Variants in EMP2 observed in about 807,000 individuals in gnomAD.
EMP2 encodes epithelial membrane protein 2.
A neutral mutation model predicts 13.7 loss-of-function variants in EMP2; 19 were observed. The observed-to-expected ratio is 1.38, with a 90% CI of 0.97 to 2.03. The LOEUF is 2.03. Among genes scored for constraint, EMP2 ranks in the 30% most tolerant of loss-of-function variants. EMP2 has a pLI of 0.00. For missense variants in EMP2, 253 were observed against 220.7 expected (o/e 1.15, Z -0.93); for synonymous variants, 97 against 84.7 (o/e 1.15, Z -0.80).
At chr16:10,576,998 G>A (rs942357666) in intron 1 of EMP2, among the ~76,000 whole-genome samples, 5 of 152,188 alleles carry the variant, frequency 3.3e-5, no homozygotes, top group African/African-American at 1.2e-4. Flanking sequence ...ACGGGAGCAC[G>A]GAAATCCAGC....
At chr16:10,534,040 A>G (rs2050628918) in intron 4 of EMP2, among the ~76,000 whole-genome samples, 1 of 151,734 alleles carries the variant, frequency 6.6e-6, no homozygotes, top group African/African-American at 2.4e-5. Context: ...GCTTTAACTC[A>G]CGAGGCAGAG....
intron 1 of EMP2, among the ~76,000 whole-genome samples, chr16:10,563,804 C>G (rs1477312827): frequency 2.6e-5 from 4 of 152,180 alleles, no homozygotes. Flanking sequence ...ATTGGTATCC[C>G]TACCCCTTGG....
chr16:10,564,576 G>T (rs951425182), intron 1 of EMP2, among the ~76,000 whole-genome samples: 9 of 150,944 alleles, frequency 6.0e-5, no homozygotes, highest in Admixed American at 4.6e-4. Flanking sequence ...CTACCTCCCA[G>T]TCCCACCTCC....
chr16:10,537,266 T>G, intron 4 of EMP2, among the ~76,000 whole-genome samples: 1 of 152,168 alleles, frequency 6.6e-6, no homozygotes. Flanking sequence ...TTGCTAAAAT[T>G]CCTAAGTAGA....
chr16:10,551,746 A>T (rs982438944), intron 1 of EMP2, among the ~76,000 whole-genome samples: 4 of 152,042 alleles, frequency 2.6e-5, no homozygotes, highest in Non-Finnish European at 4.4e-5. Flanking sequence ...TCTGGTACCA[A>T]CTATTCCCCC....
intron 1 of EMP2, among the ~76,000 whole-genome samples, chr16:10,566,342 C>G (rs918335667): frequency 2.0e-5 from 3 of 152,138 alleles, no homozygotes; most frequent in African/African-American, 2.4e-5. Context: ...ACAAATACCC[C>G]CTGCCCCTAA....
chr16:10,569,261 C>T (rs900456415), intron 1 of EMP2, among the ~76,000 whole-genome samples: 4 of 152,208 alleles, frequency 2.6e-5, no homozygotes, highest in African/African-American at 9.7e-5. Flanking sequence ...ACCACCTGTT[C>T]TACTCACTAT....
intron 1 of EMP2, among the ~76,000 whole-genome samples, chr16:10,551,564 G>A (rs182027910): frequency 6.0e-4 from 91 of 152,162 alleles, no homozygotes; most frequent in African/African-American, 2.0e-3. Context: ...GTGCTACTAC[G>A]CCTGGCTAAT....
At chr16:10,553,795 C>T (rs1353139685) in intron 1 of EMP2, among the ~76,000 whole-genome samples, 5 of 152,234 alleles carry the variant, frequency 3.3e-5, no homozygotes, top group Admixed American at 1.3e-4. Context: ...GGACTTTCTG[C>T]GGCTCCATAC....
At chr16:10,561,272 A>C (rs1288336442) in intron 1 of EMP2, among the ~76,000 whole-genome samples, 1 of 152,178 alleles carries the variant, frequency 6.6e-6, no homozygotes, top group Non-Finnish European at 1.5e-5. Context: ...TGGTTTTAGA[A>C]ATTGGTGACA....
chr16:10,536,693 C>T (rs1420745320), intron 4 of EMP2, among the ~76,000 whole-genome samples: 1 of 152,236 alleles, frequency 6.6e-6, no homozygotes, highest in African/African-American at 2.4e-5. Flanking sequence ...CACCCCACAG[C>T]TCACTGCAGC....
At position 10,566,030 on chromosome 16, in the gene EMP2, C is replaced by A. The variant is rs567984674; in HGVS notation, c.-61+14519G>T. Among the ~76,000 whole-genome samples the A allele has an allele frequency of 3.4e-3, 522 of 152,290 alleles. 3 individuals are homozygous for A. Among genetic ancestry groups the A allele is most frequent in the African/African-American group, 0.012 (496 of 41,554 alleles). Reference sequence around the variant, plus strand: ...CTGGTGTGACCATGAGAACACACCACCCCCAGCCTCTGCCTGGATTATTTT... The same window carrying A: ...CTGGTGTGACCATGAGAACACACCAACCCCAGCCTCTGCCTGGATTATTTT... On this transcript the variant is annotated intron_variant, in intron 1 of 4. Coordinates refer to ENST00000359543, the MANE Select transcript of EMP2 (RefSeq NM_001424.6).
At chr16:10,549,723 A>ACACT (rs2050769359) in intron 1 of EMP2, among the ~76,000 whole-genome samples, 3 of 56,532 alleles carry the variant, frequency 5.3e-5, no homozygotes, top group African/African-American at 7.2e-5. Flanking sequence ...ACGCACACAC[A>ACACT]CACACTCACA....
intron 1 of EMP2, among the ~76,000 whole-genome samples, chr16:10,560,137 G>C (rs949023143): frequency 1.3e-5 from 2 of 152,132 alleles, no homozygotes; most frequent in Admixed American, 6.5e-5. Context: ...TTCCCTTTTG[G>C]GGTCCTGTTA....
At chr16:10,535,277 A>G (rs2050638272) in intron 4 of EMP2, among the ~76,000 whole-genome samples, 1 of 152,168 alleles carries the variant, frequency 6.6e-6, no homozygotes, top group Non-Finnish European at 1.5e-5. Context: ...ATGGGATGCT[A>G]TGCAAGGAAA....
intron 1 of EMP2, among the ~76,000 whole-genome samples, chr16:10,555,111 G>A (rs1381051527): frequency 1.3e-5 from 2 of 152,050 alleles, no homozygotes; most frequent in Non-Finnish European, 2.9e-5. Flanking sequence ...AACGAAGGAG[G>A]GCCAAGACTT....
At chr16:10,571,454 C>T (rs2050946850) in intron 1 of EMP2, among the ~76,000 whole-genome samples, 1 of 152,074 alleles carries the variant, frequency 6.6e-6, no homozygotes, top group South Asian at 2.1e-4. Flanking sequence ...TCATTACTTT[C>T]AGGTGGGGAC....
intron 1 of EMP2, among the ~76,000 whole-genome samples, chr16:10,562,049 G>A (rs1050647680): frequency 1.3e-5 from 2 of 152,122 alleles, no homozygotes; most frequent in Non-Finnish European, 2.9e-5. Flanking sequence ...TGAAGAGAAG[G>A]GGACACCCCA....
chr16:10,568,932 G>A (rs937341308), intron 1 of EMP2, among the ~76,000 whole-genome samples: 1 of 151,732 alleles, frequency 6.6e-6, no homozygotes, highest in Admixed American at 6.6e-5. Flanking sequence ...GATTACATGC[G>A]CCTGCCACCA....
Sources: allele counts gnomAD v4.1 joint callset (sites outside exome capture counted in the v4.1 genomes callset), GRCh38; gene constraint gnomAD v4.1.1; transcripts MANE v1.5; gene names NCBI Gene and HGNC (gene_info 2026-07-23, HGNC 2026-07-21).